MALRD1: variants seen among roughly 807,000 people sequenced by gnomAD.
The protein encoded by MALRD1 is MAM and LDL-receptor class A domain-containing protein 1.
Under a neutral mutation model 242.1 loss-of-function variants are expected in MALRD1, and 247 were observed. The observed-to-expected ratio is 1.02, with a 90% CI of 0.92 to 1.13. The LOEUF (loss-of-function observed/expected upper bound fraction) is 1.13, where lower values mean the gene tolerates loss of function less well. MALRD1 is among the 50% of genes most tolerant of loss of function. MALRD1 has a pLI of 0.00. For missense variants in MALRD1, 2,989 were observed against 2,533.1 expected, an observed-to-expected ratio of 1.18 and a Z score of -3.86; for synonymous variants, 995 against 866.6, an observed-to-expected ratio of 1.15 and a Z score of -2.60.
At chr10:19,395,981 G>A (rs1406952151) in intron 28 of MALRD1, among the ~76,000 whole-genome samples, 3 of 151,996 alleles carry the variant, frequency 2.0e-5, no homozygotes, top group Non-Finnish European at 4.4e-5. Flanking sequence ...AGGAGTTTTT[G>A]CTTTACAGAG....
chr10:19,152,725 A>G (rs1037314014), intron 11 of MALRD1, among the ~76,000 whole-genome samples: 4 of 152,030 alleles, frequency 2.6e-5, no homozygotes, highest in Non-Finnish European at 5.9e-5. Context: ...TAAAAAATGG[A>G]ATACTTTGGC....
intron 33 of MALRD1, among the ~76,000 whole-genome samples, chr10:19,571,859 T>C (rs1341631039): frequency 1.3e-5 from 2 of 152,182 alleles, no homozygotes; most frequent in Middle Eastern, 3.2e-3. Flanking sequence ...CTTAAGATCT[T>C]ATAACAAAAC....
intron 19 of MALRD1, among the ~76,000 whole-genome samples, chr10:19,270,340 A>T (rs202210363): frequency 0.3 from 13,761 of 46,150 alleles, 588 homozygotes; most frequent in Non-Finnish European, 0.34. Context: ...TCTCTCTCAC[A>T]CACACACACA....
intron 38 of MALRD1, among the ~76,000 whole-genome samples, chr10:19,702,030 A>G (rs1015939615): frequency 4.6e-5 from 7 of 152,108 alleles, no homozygotes; most frequent in Admixed American, 3.3e-4. Context: ...TTTGTCCTTT[A>G]GATTAAATGA....
At chr10:19,628,768 GAAAC>G (rs1241325659) in intron 36 of MALRD1, among the ~76,000 whole-genome samples, 1 of 152,054 alleles carries the variant, frequency 6.6e-6, no homozygotes, top group Non-Finnish European at 1.5e-5. Flanking sequence ...TTTCAGGTAA[GAAAC>G]AAAGGAAAAA....
At chr10:19,339,056 AT>A (rs1482464361) in intron 24 of MALRD1, among the ~76,000 whole-genome samples, 7 of 151,646 alleles carry the variant, frequency 4.6e-5, no homozygotes, top group African/African-American at 1.5e-4. Context: ...ACACACACAC[AT>A]AAATACACAT....
chr10:19,403,902 G>A (rs193247385), intron 28 of MALRD1, among the ~76,000 whole-genome samples: 12 of 152,062 alleles, frequency 7.9e-5, no homozygotes, highest in African/African-American at 2.4e-4. Context: ...CATTAGAATC[G>A]GAGCTGAATT....
intron 36 of MALRD1, among the ~76,000 whole-genome samples, chr10:19,639,243 C>A (rs1336662365): frequency 6.6e-6 from 1 of 152,190 alleles, no homozygotes; most frequent in Non-Finnish European, 1.5e-5. Flanking sequence ...GAAGACTCAG[C>A]TGTACACAGA....
Position 19,209,689 on chromosome 10 carries a change from A to G in MALRD1, c.2991+9A>G. 2 of 1,527,550 alleles carry G rather than the reference A, an allele frequency of 1.3e-6. No homozygotes were observed. Among genetic ancestry groups the G allele is most frequent in the Non-Finnish European group, 1.8e-6 (2 of 1,136,266 alleles). The allele number at this position is 1,527,550 out of a possible 1,614,324, so 94.6% of individuals were successfully genotyped here. A position where few individuals can be genotyped will look rare whatever the true frequency, so the allele number is the denominator to read the frequency against. On this transcript the variant is annotated intron_variant, in intron 18 of 39. Coordinates refer to ENST00000454679, the MANE Select transcript of MALRD1 (RefSeq NM_001142308.3). The stretch of plus-strand genomic sequence containing the variant: ...GCAGGCAGCCCTTTCAGGTATGGAT[A>G]ATAGATTTTATAATGTACATTTGAA...
At position 19,209,335 on chromosome 10, in the gene MALRD1, T is replaced by C; in HGVS notation, c.2646T>C (p.Phe882=). ...CNWEQDAKDD[F]DWTRSQGPTP... ...GGGAACAAGATGCAAAAGATGACTT[T>C]GATTGGACCAGGAGCCAGGGTCCAA... Residue 882 remains phenylalanine (F), a synonymous_variant, in exon 18 of 40, where the codon TTT becomes TTC. Transcript: ENST00000454679. The C allele has an allele frequency of 6.4e-7, 1 of 1,550,432 alleles. No individual in the cohort carries two copies. The highest frequency in any genetic ancestry group is 8.7e-7 in the Non-Finnish European group (1 of 1,146,916).
At chr10:19,132,118 C>T (rs538705732) in intron 8 of MALRD1, among the ~76,000 whole-genome samples, 3 of 152,016 alleles carry the variant, frequency 2.0e-5, no homozygotes, top group African/African-American at 4.8e-5. Context: ...GTAAGTGCAC[C>T]CATCTTCAGG....
chr10:19,701,880 C>T (rs1411196526), intron 38 of MALRD1, among the ~76,000 whole-genome samples: 1 of 151,300 alleles, frequency 6.6e-6, no homozygotes, highest in Non-Finnish European at 1.5e-5. Context: ...CTCTTCTCAC[C>T]CCTTAGAATT....
At chr10:19,067,336 A>T (rs1835011022) in intron 2 of MALRD1, among the ~76,000 whole-genome samples, 1 of 152,064 alleles carries the variant, frequency 6.6e-6, no homozygotes, top group South Asian at 2.1e-4. Flanking sequence ...GGAGCCAGAA[A>T]TTTCTTCATT....
intron 9 of MALRD1, among the ~76,000 whole-genome samples, chr10:19,134,238 T>C (rs1221776112): frequency 6.6e-6 from 1 of 152,166 alleles, no homozygotes; most frequent in South Asian, 2.1e-4. Flanking sequence ...GGGAAACAAA[T>C]TGCATTATGA....
At position 19,546,055 on chromosome 10, in the gene MALRD1, C is replaced by A. The variant is rs569985548; in HGVS notation, c.5478+14704C>A. ...TTCTTTCTTTATTTTCCCATTGGTT[C>A]TGTTAACTGTCTTTCCCATGGTGTT... is the stretch of plus-strand genomic sequence containing the variant. On this transcript the variant is annotated intron_variant, in intron 32 of 39. Coordinates refer to ENST00000454679, the MANE Select transcript of MALRD1 (RefSeq NM_001142308.3). 4.6e-5 allele frequency among the ~76,000 whole-genome samples: 7 copies of A among 152,250 alleles called. No individual in the cohort carries two copies. In the South Asian group the frequency reaches 1.0e-3, roughly 23 times the overall value.
chr10:19,261,610 A>G (rs1839755298), intron 19 of MALRD1, among the ~76,000 whole-genome samples: 1 of 152,004 alleles, frequency 6.6e-6, no homozygotes, highest in Non-Finnish European at 1.5e-5. Flanking sequence ...TCTTTGGCCA[A>G]TAAAACAAAG....
At chr10:19,115,360 C>T (rs913168422) in intron 5 of MALRD1, among the ~76,000 whole-genome samples, 5 of 152,000 alleles carry the variant, frequency 3.3e-5, no homozygotes, top group Admixed American at 1.3e-4. Flanking sequence ...ATCTGTATAA[C>T]AGACCCCCAT....
At chr10:19,155,297 A>G (rs538670631) in intron 12 of MALRD1, 125 bp downstream of exon 12, 31 of 436,974 alleles carry the variant, frequency 7.1e-5, no homozygotes, top group African/African-American at 5.7e-4. Context: ...AGAGATTTAC[A>G]TGCGCTATTT....
intron 31 of MALRD1, among the ~76,000 whole-genome samples, chr10:19,518,733 T>C (rs996809909): frequency 1.3e-5 from 2 of 152,210 alleles, no homozygotes; most frequent in African/African-American, 4.8e-5. Flanking sequence ...CTTAATAAAA[T>C]GTTTAGTTGT....
Sources: gnomAD v4.1 joint callset for allele counts (sites outside exome capture counted in the v4.1 genomes callset) on GRCh38, gnomAD v4.1.1 for gene constraint, MANE v1.5 for transcripts, NCBI Gene and HGNC (gene_info 2026-07-23, HGNC 2026-07-21) for gene names.